RPS6KA2: variants seen among roughly 807,000 people sequenced by gnomAD.
The protein encoded by RPS6KA2 is ribosomal protein S6 kinase A2.
A neutral mutation model predicts 91.8 loss-of-function variants in RPS6KA2; 42 were observed. That is an observed-to-expected ratio of 0.46 (90% CI 0.36 to 0.59). The LOEUF is 0.59. Ranked by LOEUF, RPS6KA2 falls within the 20% of genes least tolerant of loss-of-function variation. RPS6KA2 has a pLI of 0.00. For missense variants in RPS6KA2, 798 were observed against 978.5 expected, an observed-to-expected ratio of 0.82 and a Z score of 2.46; for synonymous variants, 414 against 393.6, an observed-to-expected ratio of 1.05 and a Z score of -0.61.
At chr6:166,524,782 C>T (rs1782969165) in intron 3 of RPS6KA2, among the ~76,000 whole-genome samples, 1 of 152,180 alleles carries the variant, frequency 6.6e-6, no homozygotes. Flanking sequence ...ACAACCTATC[C>T]CACTTTCAGC....
rs1020444307 is a variant in RPS6KA2, at chr6:166,419,368, C to T, written c.1820+514G>A. On this transcript the variant is annotated intron_variant, in intron 18 of 20. Coordinates refer to ENST00000265678, the MANE Select transcript of RPS6KA2 (RefSeq NM_021135.6). The surrounding 1 kb of genome is among the most constrained non-coding windows in gnomAD (Gnocchi z 5.6). ...GGTTAAAGTGTTTAGCCCAGAGTCA[C>T]GGCTAGTGGCGAGTGGGGCTCAGAT... Among the ~76,000 whole-genome samples, 7 of 152,162 alleles carry T rather than the reference C, an allele frequency of 4.6e-5. No individual in the cohort carries two copies. The highest frequency in any genetic ancestry group is 2.1e-4 in the South Asian group (1 of 4,826).
chr6:166,530,951 G>A (rs1375953135), intron 3 of RPS6KA2, among the ~76,000 whole-genome samples: 2 of 152,268 alleles, frequency 1.3e-5, no homozygotes, highest in East Asian at 1.9e-4. Flanking sequence ...CTCGCAGCCT[G>A]CTGCTCTGCT....
chr6:166,412,556 C>G lies in RPS6KA2; in HGVS notation c.*206G>C. 2.1e-6 allele frequency: 1 copy of G among 473,242 alleles called. No individual in the cohort carries two copies. Among genetic ancestry groups the G allele is most frequent in the African/African-American group, 2.0e-5 (1 of 50,218 alleles). The allele number at this position is 473,242 out of a possible 1,614,324, so 29.3% of individuals were successfully genotyped here. On this transcript the variant is annotated 3_prime_UTR_variant, in exon 21 of 21. Transcript: ENST00000265678. The surrounding 1 kb of genome is among the most constrained non-coding windows in gnomAD (Gnocchi z 4.3). ...TTCGCTTGGGAGAAAAGAGAGCGGG[C>G]GGGGAGGCTGGCGCAGTGAGGCTTG...
intron 1 of RPS6KA2, among the ~76,000 whole-genome samples, chr6:166,625,789 T>A (rs1786850607): frequency 6.6e-6 from 1 of 152,190 alleles, no homozygotes; most frequent in Non-Finnish European, 1.5e-5. Flanking sequence ...AAGATGTGTT[T>A]TACCCTCGGG....
chr6:166,723,699 C>CTTTT lies in RPS6KA2; in HGVS notation c.123+134497_123+134500dup, dbSNP rs10637819. Among the ~76,000 whole-genome samples, 50 of 146,300 alleles carry CTTTT rather than the reference C, an allele frequency of 3.4e-4. 1 individual carries two copies. The highest frequency in any genetic ancestry group is 1.3e-3 in the African/African-American group (49 of 37,240). On this transcript the variant is annotated intron_variant, in intron 2 of 21. Coordinates refer to the RPS6KA2 transcript ENST00000503859. Reference sequence around the variant, plus strand: ...AATTTCCTTTTTCTTTTTTTCTTTTCTTTTCTTTTTTTTTTTTTTGAGATG... The same window carrying CTTTT: ...AATTTCCTTTTTCTTTTTTTCTTTTCTTTTTTTTCTTTTTTTTTTTTTTGAGATG...
At chr6:166,746,630 G>A (rs1293013187) in intron 2 of RPS6KA2, among the ~76,000 whole-genome samples, 1 of 152,226 alleles carries the variant, frequency 6.6e-6, no homozygotes, top group Non-Finnish European at 1.5e-5. Context: ...CACTTCAGAT[G>A]CCAGTCGTAA....
At chr6:166,660,507 C>A (rs1788135452) in intron 2 of RPS6KA2, among the ~76,000 whole-genome samples, 1 of 152,112 alleles carries the variant, frequency 6.6e-6, no homozygotes, top group South Asian at 2.1e-4. Context: ...TCATGCCAGG[C>A]ATAGCCTTCC....
intron 1 of RPS6KA2, among the ~76,000 whole-genome samples, chr6:166,569,849 C>G (rs1476748392): frequency 6.6e-6 from 1 of 152,214 alleles, no homozygotes; most frequent in African/African-American, 2.4e-5. Flanking sequence ...GCGTCTTCCC[C>G]TCGTCCTTCA....
rs1013630291 is a variant in RPS6KA2 at position 166,428,129 on chromosome 6, G to T, written c.1581+2324C>A. Among the ~76,000 whole-genome samples the T allele has an allele frequency of 4.4e-3, 666 of 152,084 alleles. 8 individuals are homozygous for T. The highest frequency in any genetic ancestry group is 0.015 in the African/African-American group (628 of 41,432). On this transcript the variant is annotated intron_variant, in intron 16 of 20. Coordinates refer to ENST00000265678, the MANE Select transcript of RPS6KA2 (RefSeq NM_021135.6). Reference sequence around the variant, plus strand: ...AGATATAGATCAATGGAACAGAACAGAGCCCTCAGAAATAACGCCGCTTAT... The same window carrying T: ...AGATATAGATCAATGGAACAGAACATAGCCCTCAGAAATAACGCCGCTTAT...
chr6:166,463,697 T>C (rs1334585244), intron 11 of RPS6KA2, among the ~76,000 whole-genome samples: 1 of 152,228 alleles, frequency 6.6e-6, no homozygotes, highest in Admixed American at 6.5e-5. Flanking sequence ...ATCTGCCTTC[T>C]GTAGACGGTT....
chr6:166,418,131 T>A lies in RPS6KA2; in HGVS notation c.1938+94A>T. The A allele has an allele frequency of 1.2e-6, 1 of 805,542 alleles. No individual in the cohort carries two copies. 49.9% of individuals were successfully genotyped at this position (805,542 alleles called of 1,614,324 possible). ...TATGCTGAGGATAAAATACCTATAC[T>A]ACTTACATAAAACCTATCCCCTGGC... On this transcript the variant is annotated intron_variant, in intron 19 of 20. Coordinates refer to ENST00000265678, the MANE Select transcript of RPS6KA2 (RefSeq NM_021135.6). The surrounding 1 kb of genome is among the most constrained non-coding windows in gnomAD (Gnocchi z 4.9).
At chr6:166,585,498 C>CTTT (rs58153048) in intron 1 of RPS6KA2, among the ~76,000 whole-genome samples, 964 of 86,220 alleles carry the variant, frequency 0.011, 55 homozygotes, top group African/African-American at 0.04. Flanking sequence ...TCAAACAAGT[C>CTTT]TTTTTTTTTT....
intron 20 of RPS6KA2, among the ~76,000 whole-genome samples, chr6:166,413,258 G>A (rs1019877631): frequency 1.4e-4 from 21 of 152,184 alleles, no homozygotes; most frequent in Admixed American, 3.3e-4. Flanking sequence ...GGGACACAGC[G>A]AATGCCAGGG....
intron 1 of RPS6KA2, among the ~76,000 whole-genome samples, chr6:166,605,807 T>C (rs144410408): frequency 1.1e-3 from 165 of 152,348 alleles, no homozygotes; most frequent in Non-Finnish European, 1.6e-3. Flanking sequence ...AATCAAAAGA[T>C]TGTTTTCTGT....
chr6:166,598,920 G>C (rs1785634091), intron 1 of RPS6KA2, among the ~76,000 whole-genome samples: 1 of 152,218 alleles, frequency 6.6e-6, no homozygotes, highest in Admixed American at 6.5e-5. Flanking sequence ...CCTCCAGGTG[G>C]GGTTGAAACA....
At chr6:166,503,968 T>C (rs1012675215) in intron 6 of RPS6KA2, among the ~76,000 whole-genome samples, 4 of 152,230 alleles carry the variant, frequency 2.6e-5, no homozygotes. Context: ...AGAGCTGTTC[T>C]GACTGGGGAC....
intron 10 of RPS6KA2, among the ~76,000 whole-genome samples, chr6:166,480,111 C>A (rs978794899): frequency 6.6e-6 from 1 of 152,030 alleles, no homozygotes. Flanking sequence ...GGTGCATGTG[C>A]TTTACTTTTG....
At chr6:166,622,317 C>A (rs1203551703) in intron 1 of RPS6KA2, among the ~76,000 whole-genome samples, 2 of 151,880 alleles carry the variant, frequency 1.3e-5, no homozygotes, top group Non-Finnish European at 2.9e-5. Context: ...ATTGTGACCA[C>A]AAATAAGGAA....
chr6:166,587,322 G>A (rs1184026687), intron 1 of RPS6KA2, among the ~76,000 whole-genome samples: 3 of 152,146 alleles, frequency 2.0e-5, no homozygotes, highest in East Asian at 1.9e-4. Context: ...CTAGAGATTC[G>A]TATCTGCTTT....
Sources: allele counts gnomAD v4.1 joint callset (sites outside exome capture counted in the v4.1 genomes callset), GRCh38; gene constraint gnomAD v4.1.1; non-coding constraint Gnocchi (gnomAD v3.1); transcripts MANE v1.5; gene names NCBI Gene and HGNC (gene_info 2026-07-23, HGNC 2026-07-21).